The following STMN2 variants were observed in gnomAD, a reference collection of about 807,000 sequenced individuals.
STMN2 encodes stathmin 2, also known as stathmin-2.
In STMN2, 2 loss-of-function variants were observed where a neutral mutation model predicts 24.1. That is an observed-to-expected ratio of 0.08 (90% CI 0.03 to 0.26). The LOEUF (loss-of-function observed/expected upper bound fraction) is 0.26. Ranked by LOEUF, STMN2 falls within the 10% of genes least tolerant of loss-of-function variation. STMN2 has a pLI of 1.00. For missense variants in STMN2, 114 were observed against 213.6 expected, an observed-to-expected ratio of 0.53 and a Z score of 2.91; for synonymous variants, 83 against 77.5, an observed-to-expected ratio of 1.07 and a Z score of -0.37.
At chr8:79,652,040 T>C (rs911439183) in intron 3 of STMN2, among the ~76,000 whole-genome samples, 17 of 152,370 alleles carry the variant, frequency 1.1e-4, no homozygotes, top group African/African-American at 3.4e-4. Context: ...TACCTGCCTT[T>C]AGCAGCTGTG....
At chr8:79,660,212 G>A (rs993457199) in intron 4 of STMN2, among the ~76,000 whole-genome samples, 10 of 152,264 alleles carry the variant, frequency 6.6e-5, no homozygotes, top group Non-Finnish European at 1.2e-4. Context: ...GGTTAACATG[G>A]CAAGTTACTG....
intron 1 of STMN2, 75 bp downstream of exon 1, chr8:79,611,289 G>A: frequency 6.3e-7 from 1 of 1,575,142 alleles, no homozygotes; most frequent in Non-Finnish European, 8.7e-7. Context: ...AGCTCTAGAA[G>A]CATTCAGAGA....
At chr8:79,657,428 G>T (rs1400185710) in intron 4 of STMN2, among the ~76,000 whole-genome samples, 2 of 152,086 alleles carry the variant, frequency 1.3e-5, no homozygotes, top group East Asian at 3.9e-4. Context: ...CCCAAAGAGT[G>T]CTTAAAATTC....
intron 1 of STMN2, among the ~76,000 whole-genome samples, chr8:79,626,289 T>C (rs1390248): frequency 0.3 from 45,929 of 152,044 alleles, 7,451 homozygotes; most frequent in African/African-American, 0.42. Flanking sequence ...AAAGGAGACA[T>C]TCACCTGCCT....
intron 1 of STMN2, among the ~76,000 whole-genome samples, chr8:79,632,323 G>A (rs1809822450): frequency 6.6e-6 from 1 of 152,146 alleles, no homozygotes; most frequent in African/African-American, 2.4e-5. Context: ...CATCAATCCT[G>A]CATTCTATAG....
intron 4 of STMN2, among the ~76,000 whole-genome samples, chr8:79,656,853 C>T (rs1257463662): frequency 6.6e-6 from 1 of 152,128 alleles, no homozygotes; most frequent in Non-Finnish European, 1.5e-5. Context: ...CATACCCAAA[C>T]ACACGGCATA....
intron 4 of STMN2, among the ~76,000 whole-genome samples, chr8:79,664,091 C>T (rs1389665188): frequency 3.3e-5 from 5 of 152,000 alleles, no homozygotes; most frequent in African/African-American, 9.7e-5. Flanking sequence ...AAATGACTGC[C>T]GAATAAAAGG....
chr8:79,624,397 T>G (rs1188532256), intron 1 of STMN2, among the ~76,000 whole-genome samples: 1 of 133,690 alleles, frequency 7.5e-6, no homozygotes, highest in South Asian at 2.2e-4. Flanking sequence ...GAGTTTGCAG[T>G]GAGCCGAGAT....
intron 3 of STMN2, among the ~76,000 whole-genome samples, chr8:79,646,153 A>G (rs1166504846): frequency 1.3e-5 from 2 of 152,146 alleles, no homozygotes; most frequent in Non-Finnish European, 2.9e-5. Flanking sequence ...TCCTAAAACA[A>G]TTATAGTCAC....
intron 4 of STMN2, among the ~76,000 whole-genome samples, chr8:79,658,600 AC>A (rs1306823970): frequency 2.0e-5 from 3 of 152,152 alleles, no homozygotes; most frequent in African/African-American, 7.2e-5. Flanking sequence ...CCATGCGCCC[AC>A]CCTTATGATA....
chr8:79,644,561 G>A (rs1810177885), intron 3 of STMN2, among the ~76,000 whole-genome samples: 1 of 152,258 alleles, frequency 6.6e-6, no homozygotes, highest in Middle Eastern at 3.4e-3. Flanking sequence ...CCACTGACCT[G>A]CAAAGGATTT....
chr8:79,644,189 A>C (rs988341001), intron 3 of STMN2, among the ~76,000 whole-genome samples: 5 of 152,230 alleles, frequency 3.3e-5, no homozygotes, highest in African/African-American at 1.2e-4. Flanking sequence ...AACCCAACTC[A>C]ACTAGTTAAA....
rs543418735 is a variant in STMN2, at chr8:79,636,875, C to T, written c.93C>T (p.Asn31=). ...CTTGCTTTTACCCGGAACCTCGCAA[C>T]ATCAACATCTATACTTACGATGGTG... ...ICSCFYPEPR[N]INIYTYDDME... is the part of the protein sequence containing the mutation. The change falls in exon 2 of 5, where the codon AAC becomes AAT. Residue 31 remains asparagine (N), a synonymous_variant. Coordinates refer to ENST00000220876, the MANE Select transcript of STMN2 (RefSeq NM_007029.4). 58 of 1,613,842 alleles carry T rather than the reference C, an allele frequency of 3.6e-5. No homozygotes were observed. In the South Asian group the frequency reaches 5.1e-4, roughly 14 times the overall value.
chr8:79,646,099 G>T lies in STMN2; in HGVS notation c.288+4549G>T, dbSNP rs569332550. On this transcript the variant is annotated intron_variant, in intron 3 of 4. Transcript: ENST00000220876. The stretch of plus-strand genomic sequence containing the variant: ...ATAACTTTCAGGGCCAAATGTGAAA[G>T]CGGCAATATATAGCTTGTTTTGATT... Among the ~76,000 whole-genome samples the T allele has an allele frequency of 2.6e-5, 4 of 152,174 alleles. No individual in the cohort carries two copies. The South Asian group carries it at 8.3e-4, about 32-fold the overall frequency.
At chr8:79,663,756 A>G in intron 4 of STMN2, 1 of 1,002,006 alleles carries the variant, frequency 1.0e-6, no homozygotes, top group Admixed American at 3.1e-5. Flanking sequence ...CCTATGATAT[A>G]TGCAAGACAG....
chr8:79,611,149 C>A lies in STMN2; in HGVS notation c.-47C>A. 1 of 1,613,612 alleles carries A rather than the reference C, an allele frequency of 6.2e-7. No individual in the cohort carries two copies. The highest frequency in any genetic ancestry group is 8.5e-7 in the Non-Finnish European group (1 of 1,179,862). ...TCTCTCGCTCTCTCCGCTGCTGTAGCCGGACCCTTTGCCTTCGCCACTGCT... is the reference window on the plus strand; with the variant it reads ...TCTCTCGCTCTCTCCGCTGCTGTAGACGGACCCTTTGCCTTCGCCACTGCT... On this transcript the variant is annotated 5_prime_UTR_variant, in exon 1 of 5. Transcript: ENST00000220876.
chr8:79,649,979 T>C (rs1464913564), intron 3 of STMN2, among the ~76,000 whole-genome samples: 1 of 152,184 alleles, frequency 6.6e-6, no homozygotes, highest in Admixed American at 6.5e-5. Flanking sequence ...AATGATTGAG[T>C]TCAGTGTGAG....
At chr8:79,647,344 G>A (rs1411488743) in intron 3 of STMN2, among the ~76,000 whole-genome samples, 3 of 152,134 alleles carry the variant, frequency 2.0e-5, no homozygotes, top group Non-Finnish European at 4.4e-5. Context: ...TGTGAAATAT[G>A]ATTTCTGTTA....
intron 3 of STMN2, among the ~76,000 whole-genome samples, chr8:79,652,265 C>T (rs559318665): frequency 2.6e-4 from 40 of 152,346 alleles, no homozygotes; most frequent in Non-Finnish European, 5.3e-4. Context: ...TTCTTGGACA[C>T]ATTGCACCCT....
Sources: gnomAD v4.1 joint callset for allele counts (sites outside exome capture counted in the v4.1 genomes callset) on GRCh38, gnomAD v4.1.1 for gene constraint, MANE v1.5 for transcripts, NCBI Gene and HGNC (gene_info 2026-07-23, HGNC 2026-07-21) for gene names.